Variants in ACADL observed in about 807,000 individuals in gnomAD.
The protein encoded by ACADL is long-chain specific acyl-CoA dehydrogenase, mitochondrial.
In ACADL, 60 loss-of-function variants were observed where a neutral mutation model predicts 56.9. The ratio of observed to expected loss-of-function variants is 1.05; its 90% CI spans 0.86 to 1.31. The LOEUF is 1.31. Among genes scored for constraint, ACADL ranks in the 50% most tolerant of loss-of-function variants. The pLI, the probability that ACADL is intolerant of heterozygous loss-of-function variation, is 0.00. For synonymous variants in ACADL, 158 were observed against 179.7 expected, an observed-to-expected ratio of 0.88 and a Z score of 0.97; for missense variants, 484 against 525.5, an observed-to-expected ratio of 0.92 and a Z score of 0.77.
At chr2:210,218,196 C>T (rs1204672425) in intron 2 of ACADL, 94 bp from the exon 3 acceptor site, 3 of 1,237,268 alleles carry the variant, frequency 2.4e-6, no homozygotes, top group African/African-American at 1.5e-5. Context: ...TGTAGAAATG[C>T]ATTCTTAATT....
chr2:210,204,547 C>G, intron 7 of ACADL, 34 bp downstream of exon 7: 1 of 1,394,944 alleles, frequency 7.2e-7, no homozygotes, highest in South Asian at 1.2e-5. Flanking sequence ...ATTCATTATT[C>G]AGTCAAAAGA....
intron 8 of ACADL, among the ~76,000 whole-genome samples, chr2:210,201,404 A>G (rs917108314): frequency 6.6e-6 from 1 of 152,216 alleles, no homozygotes; most frequent in African/African-American, 2.4e-5. Context: ...GTAGGAAAAT[A>G]TTTTATAAAT....
chr2:210,191,231 T>A (rs1408262685), intron 10 of ACADL, among the ~76,000 whole-genome samples: 1 of 152,126 alleles, frequency 6.6e-6, no homozygotes, highest in Non-Finnish European at 1.5e-5. Context: ...TTTTTTGATA[T>A]TAGGCGATAT....
At position 210,204,677 on chromosome 2, in the gene ACADL, G is replaced by A. The variant is rs370820071; in HGVS notation, c.774C>T (p.Thr258=). 3.4e-5 allele frequency: 54 copies of A among 1,604,292 alleles called. No homozygotes were observed. Among genetic ancestry groups the A allele is most frequent in the Middle Eastern group, 1.6e-4 (1 of 6,070 alleles). ...LHKMGLKAQD[T]AELFFEDIRL... is the part of the protein sequence containing the mutation. Reference sequence around the variant, plus strand: ...GTATATCTTCAAAGAATAGTTCTGCGGTATCCTAAGAGACCATACAAAAAA... The same window carrying A: ...GTATATCTTCAAAGAATAGTTCTGCAGTATCCTAAGAGACCATACAAAAAA... The change falls in exon 7 of 11, where the codon ACC becomes ACT. Residue 258 remains threonine, a synonymous_variant. Coordinates refer to ENST00000233710, the MANE Select transcript of ACADL (RefSeq NM_001608.4).
intron 1 of ACADL, among the ~76,000 whole-genome samples, chr2:210,221,389 C>T (rs1689173709): frequency 1.3e-5 from 2 of 152,194 alleles, no homozygotes; most frequent in African/African-American, 4.8e-5. Context: ...ATCCCTCCCA[C>T]ACCAAGCTTC....
At chr2:210,194,615 C>G (rs913776145) in intron 9 of ACADL, among the ~76,000 whole-genome samples, 11 of 152,044 alleles carry the variant, frequency 7.2e-5, no homozygotes, top group Non-Finnish European at 1.3e-4. Flanking sequence ...TTTTATTCTC[C>G]TTTCACTTAA....
At chr2:210,206,451 T>G (rs1007340672) in intron 5 of ACADL, among the ~76,000 whole-genome samples, 5 of 151,634 alleles carry the variant, frequency 3.3e-5, no homozygotes, top group African/African-American at 9.7e-5. Flanking sequence ...GAAAAGAAAA[T>G]AAAAGAAAAA....
At chr2:210,221,018 A>G (rs1689168493) in intron 1 of ACADL, among the ~76,000 whole-genome samples, 1 of 152,180 alleles carries the variant, frequency 6.6e-6, no homozygotes, top group South Asian at 2.1e-4. Flanking sequence ...CCTTATCATT[A>G]TTCAACTCGG....
chr2:210,224,955 G>T, intron 1 of ACADL: 4 of 1,355,208 alleles, frequency 3.0e-6, no homozygotes, highest in Non-Finnish European at 3.8e-6. Context: ...TGGGCTCGGC[G>T]GTCTGTTCTC....
At chr2:210,193,406 A>C (rs1422180155) in intron 9 of ACADL, among the ~76,000 whole-genome samples, 1 of 152,168 alleles carries the variant, frequency 6.6e-6, no homozygotes, top group African/African-American at 2.4e-5. Flanking sequence ...GTGAAAACCT[A>C]AGAGGGCAGA....
At chr2:210,220,234 A>G (rs898352107) in intron 2 of ACADL, among the ~76,000 whole-genome samples, 1 of 152,196 alleles carries the variant, frequency 6.6e-6, no homozygotes, top group African/African-American at 2.4e-5. Context: ...TGGTCAATAA[A>G]ATAATAATAA....
intron 4 of ACADL, among the ~76,000 whole-genome samples, chr2:210,214,336 C>T (rs533164107): frequency 1.3e-5 from 2 of 152,160 alleles, no homozygotes; most frequent in South Asian, 4.2e-4. Context: ...TTCCTCAACA[C>T]TCTATTACTC....
chr2:210,214,800 A>G (rs1049291658), intron 4 of ACADL, among the ~76,000 whole-genome samples: 2 of 152,228 alleles, frequency 1.3e-5, no homozygotes, highest in African/African-American at 4.8e-5. Context: ...AGAGAATGAA[A>G]TTAAAAGCAA....
chr2:210,216,190 C>T (rs183575375), intron 4 of ACADL, among the ~76,000 whole-genome samples, 157 bp downstream of exon 4: 85 of 152,206 alleles, frequency 5.6e-4, no homozygotes, highest in Middle Eastern at 3.4e-3. Context: ...CATTATAATC[C>T]GCTTTATTGT....
rs1372824747 is a variant in ACADL at position 210,216,491 on chromosome 2, C to T, written c.392G>A (p.Gly131Asp). The T allele has an allele frequency of 1.9e-6, 3 of 1,612,952 alleles. No individual in the cohort carries two copies. The African/African-American group carries it at 4.0e-5, about 22-fold the overall frequency. The change falls in exon 4 of 11, where the codon GGC (glycine) becomes GAC (aspartate). Residue 131 changes from glycine (G) to aspartate (D), a missense_variant. Coordinates refer to ENST00000233710, the MANE Select transcript of ACADL (RefSeq NM_001608.4). ...WEEQAYSNCS[G>D]PGFSIHSGIV... Reference sequence around the variant, plus strand: ...ACCTGAATGAATACTAAAACCTGGGCCTGAACAATTTGAATAAGCTCTTAG... The same window carrying T: ...ACCTGAATGAATACTAAAACCTGGGTCTGAACAATTTGAATAAGCTCTTAG...
chr2:210,216,619 C>A, intron 3 of ACADL, 108 bp from the exon 4 acceptor site: 1 of 1,032,544 alleles, frequency 9.7e-7, no homozygotes. Context: ...AGTGGCCTAT[C>A]TCATCACAAA....
chr2:210,202,294 T>C (rs1004386973), intron 8 of ACADL, among the ~76,000 whole-genome samples: 1 of 152,178 alleles, frequency 6.6e-6, no homozygotes, highest in African/African-American at 2.4e-5. Context: ...GGTTTCACCA[T>C]GTTGGCCACG....
At chr2:210,212,426 G>A (rs139957436) in intron 4 of ACADL, among the ~76,000 whole-genome samples, 7 of 152,170 alleles carry the variant, frequency 4.6e-5, no homozygotes, top group Admixed American at 3.3e-4. Context: ...GGCAAGGAAC[G>A]CCAACAGCCA....
chr2:210,218,562 C>G (rs1432056816), intron 2 of ACADL: 1 of 169,714 alleles, frequency 5.9e-6, no homozygotes, highest in Non-Finnish European at 1.3e-5. Flanking sequence ...GCTAGGATTA[C>G]AGGTATGAGC....
Sources: allele counts gnomAD v4.1 joint callset (sites outside exome capture counted in the v4.1 genomes callset), GRCh38; gene constraint gnomAD v4.1.1; transcripts MANE v1.5; gene names NCBI Gene and HGNC (gene_info 2026-07-23, HGNC 2026-07-21).